The following RAVER2 variants were observed in gnomAD, a reference collection of about 807,000 sequenced individuals.
RAVER2 encodes the protein ribonucleoprotein PTB-binding 2.
Under a neutral mutation model 78.1 loss-of-function variants are expected in RAVER2, and 46 were observed. That is an observed-to-expected ratio of 0.59 (90% confidence interval 0.46 to 0.75). The LOEUF is 0.75. RAVER2 is among the 30% of genes least tolerant of loss of function. RAVER2 has a pLI of 0.00. For missense variants in RAVER2, 793 were observed against 837.5 expected (o/e 0.95, Z 0.66); for synonymous variants, 311 against 313.3 (o/e 0.99, Z 0.08).
intron 4 of RAVER2, among the ~76,000 whole-genome samples, chr1:64,782,593 T>G (rs1652661053): frequency 6.6e-6 from 1 of 152,142 alleles, no homozygotes; most frequent in South Asian, 2.1e-4. Flanking sequence ...GAACTTAAAA[T>G]TTAACTGCAC....
At chr1:64,778,842 C>G (rs59589450) in intron 3 of RAVER2, among the ~76,000 whole-genome samples, 316 of 149,334 alleles carry the variant, frequency 2.1e-3, no homozygotes, top group African/African-American at 7.5e-3. Context: ...CGCTCCTTTT[C>G]CTCTTACCTC....
intron 11 of RAVER2, among the ~76,000 whole-genome samples, chr1:64,826,866 G>T (rs1034723097): frequency 3.3e-5 from 5 of 152,122 alleles, no homozygotes; most frequent in African/African-American, 1.2e-4. Context: ...AGTCAGTGGG[G>T]TATACGAGGG....
chr1:64,781,559 G>T (rs753688156), exon 4 of RAVER2: 25 of 1,610,022 alleles, frequency 1.6e-5, no homozygotes, highest in Non-Finnish European at 2.0e-5. Flanking sequence ...CATTGATAGC[G>T]GCTCAACGTG....
intron 1 of RAVER2, among the ~76,000 whole-genome samples, chr1:64,757,418 T>C (rs1651885251): frequency 1.3e-5 from 2 of 152,136 alleles, no homozygotes; most frequent in South Asian, 2.1e-4. Flanking sequence ...AGTGTCCTTA[T>C]AAGAAGAGAT....
At chr1:64,820,382 ATTT>A (rs966548472) in intron 11 of RAVER2, among the ~76,000 whole-genome samples, 1 of 152,174 alleles carries the variant, frequency 6.6e-6, no homozygotes, top group African/African-American at 2.4e-5. Context: ...TGCATGCTCC[ATTT>A]ATAACATATT....
At chr1:64,815,029 A>C (rs1327533818) in intron 11 of RAVER2, 189 bp downstream of exon 11, 5 of 422,298 alleles carry the variant, frequency 1.2e-5, no homozygotes, top group Non-Finnish European at 1.9e-5. Flanking sequence ...ATCATTTTGC[A>C]CTAGATATTT....
intron 1 of RAVER2, among the ~76,000 whole-genome samples, chr1:64,760,911 G>A (rs1268393799): frequency 6.6e-6 from 1 of 152,118 alleles, no homozygotes; most frequent in Non-Finnish European, 1.5e-5. Context: ...CCACTGTATA[G>A]TTGTGTTTGC....
intron 5 of RAVER2, among the ~76,000 whole-genome samples, chr1:64,795,644 ATATT>A (rs1454855066): frequency 6.6e-6 from 1 of 152,076 alleles, no homozygotes; most frequent in Admixed American, 6.5e-5. Flanking sequence ...GACTGATTAA[ATATT>A]TATTTATCTT....
chr1:64,809,881 CATA>C (rs1350101891), intron 9 of RAVER2, among the ~76,000 whole-genome samples: 1 of 152,184 alleles, frequency 6.6e-6, no homozygotes, highest in Admixed American at 6.5e-5. Flanking sequence ...GTTCACTTAG[CATA>C]ATGTTTTCTA....
chr1:64,795,072 A>G (rs1236610446), intron 5 of RAVER2, among the ~76,000 whole-genome samples: 1 of 152,124 alleles, frequency 6.6e-6, no homozygotes, highest in Admixed American at 6.5e-5. Context: ...TTAGAAAGAT[A>G]ATGTTTCATT....
intron 10 of RAVER2, among the ~76,000 whole-genome samples, chr1:64,813,073 C>A (rs1270980835): frequency 4.6e-5 from 7 of 152,062 alleles, no homozygotes; most frequent in Admixed American, 4.6e-4. Context: ...TTTTTCTTAA[C>A]CAGAAGTTTA....
At chr1:64,755,724 G>GTTTTTTTTTTT (rs753375050) in intron 1 of RAVER2, among the ~76,000 whole-genome samples, 10 of 60,660 alleles carry the variant, frequency 1.6e-4, no homozygotes, top group African/African-American at 5.0e-4. Flanking sequence ...ATGCTTCATA[G>GTTTTTTTTTTT]TTTTTTTTTT....
intron 1 of RAVER2, among the ~76,000 whole-genome samples, chr1:64,757,627 A>G (rs1332496992): frequency 6.6e-6 from 1 of 152,200 alleles, no homozygotes; most frequent in Admixed American, 6.5e-5. Context: ...GGGTAGCCTG[A>G]GCTGACTATT....
At chr1:64,790,680 C>T (rs1356982143) in intron 5 of RAVER2, among the ~76,000 whole-genome samples, 2 of 152,180 alleles carry the variant, frequency 1.3e-5, no homozygotes, top group East Asian at 3.8e-4. Context: ...AATTTTGGTA[C>T]TATTTATGGT....
chr1:64,821,172 T>C (rs1653878891), intron 11 of RAVER2, among the ~76,000 whole-genome samples: 1 of 152,254 alleles, frequency 6.6e-6, no homozygotes, highest in African/African-American at 2.4e-5. Flanking sequence ...TATTGAGCTT[T>C]TTTTCATATA....
intron 11 of RAVER2, among the ~76,000 whole-genome samples, chr1:64,823,759 G>T (rs1313826047): frequency 6.7e-6 from 1 of 150,232 alleles, no homozygotes; most frequent in African/African-American, 2.5e-5. Flanking sequence ...AAAGAAAAAT[G>T]TAAGAGGTTT....
At chr1:64,814,469 T>G (rs1417791754) in intron 10 of RAVER2, among the ~76,000 whole-genome samples, 1 of 152,134 alleles carries the variant, frequency 6.6e-6, no homozygotes, top group African/African-American at 2.4e-5. Flanking sequence ...CCATTTTAAG[T>G]TGTTCCAAAT....
chr1:64,817,106 C>T (rs1196352741), intron 11 of RAVER2, among the ~76,000 whole-genome samples: 1 of 152,210 alleles, frequency 6.6e-6, no homozygotes, highest in Non-Finnish European at 1.5e-5. Flanking sequence ...TATGAACAGA[C>T]ACTTCTCAAA....
intron 10 of RAVER2, among the ~76,000 whole-genome samples, chr1:64,813,828 GAC>G (rs10566575): frequency 0.089 from 12,907 of 145,752 alleles, 617 homozygotes; most frequent in South Asian, 0.12. Context: ...TTAGAGACTA[GAC>G]ACACACACAC....
Sources: allele counts gnomAD v4.1 joint callset (sites outside exome capture counted in the v4.1 genomes callset), GRCh38; gene constraint gnomAD v4.1.1; transcripts MANE v1.5; gene names NCBI Gene and HGNC (gene_info 2026-07-23, HGNC 2026-07-21).